Variants in HOOK2 observed in about 807,000 individuals in gnomAD.
The protein encoded by HOOK2 is hook microtubule tethering protein 2.
HOOK2 carries 108 observed loss-of-function variants against 111.9 expected under a neutral mutation model. That is an observed-to-expected ratio of 0.96 (90% CI 0.83 to 1.13). HOOK2 has a LOEUF of 1.13. Ranked by LOEUF, HOOK2 falls within the 50% of genes most tolerant of loss-of-function variation. The pLI, the probability that HOOK2 is intolerant of heterozygous loss-of-function variation, is 0.00. For missense variants in HOOK2, 978 were observed against 951.3 expected (o/e 1.03, Z -0.37); for synonymous variants, 405 against 394.3 (o/e 1.03, Z -0.32).
rs1346462119 is a variant in HOOK2, at chr19:12,786,947, C to A, written n.42-12722G>T. ...CTTTGGGAGGCCCAGGTGGGAGGAT[C>A]CCTTAGGGCCAGGACTTCCAGACCA... On this transcript the variant is annotated intron_variant and non_coding_transcript_variant, in intron 3 of 3. Transcript: ENST00000589765. The surrounding 1 kb of genome is among the most constrained non-coding windows in gnomAD (Gnocchi z 4.3). 6.6e-6 allele frequency among the ~76,000 whole-genome samples: 1 copy of A among 151,972 alleles called. No individual in the cohort carries two copies. Among genetic ancestry groups the A allele is most frequent in the Non-Finnish European group, 1.5e-5 (1 of 67,968 alleles).
Position 12,765,080 on chromosome 19 carries a change from G to A in HOOK2, c.1642C>T (p.Gln548Ter). The A allele has an allele frequency of 6.2e-7, 1 of 1,614,110 alleles. No individual in the cohort carries two copies. The highest frequency in any genetic ancestry group is 1.1e-5 in the South Asian group (1 of 91,084). The change falls in exon 19 of 23, where the codon CAG becomes TAG. Residue 548 changes from glutamine to a stop codon, truncating the protein, a stop_gained and splice_region_variant. Coordinates refer to ENST00000397668, the MANE Select transcript of HOOK2 (RefSeq NM_013312.3). LOFTEE classifies it high-confidence loss of function. ...LLKRKLEEHL[Q>*]KLHEADLELQ... Reference sequence around the variant, plus strand: ...TCCAGATCTGCCTCATGAAGCTTCTGCCTGTGGGCCGGGGATGAGCAGCAG... The same window carrying A: ...TCCAGATCTGCCTCATGAAGCTTCTACCTGTGGGCCGGGGATGAGCAGCAG...
Position 12,767,837 on chromosome 19 carries a change from G to C in HOOK2, c.1282C>G (p.Pro428Ala). Residue 428 changes from proline (P) to alanine (A), a missense_variant, in exon 13 of 23, where the codon CCG becomes GCG. By Grantham distance (27) the Pro-to-Ala change is conservative. Around this residue, in one of 5 missense-constraint regions of HOOK2, gnomAD observed 388 missense variants for 358.3 expected, o/e 1.08. Transcript: ENST00000397668. ...TCACCGGCCTGGGTCAACCCCCGCG[G>C]CTGCAGCTGGGCGCAGCGCAGCTCC... The part of the protein sequence containing the change: ...NEELRCAQLQ[P>A]RGLTQADPSL... The C allele has an allele frequency of 1.9e-6, 3 of 1,604,142 alleles. No individual in the cohort carries two copies. The highest frequency in any genetic ancestry group is 2.5e-6 in the Non-Finnish European group (3 of 1,179,874).
At chr19:12,781,022 G>C (rs1968596526), upstream of HOOK2, among the ~76,000 whole-genome samples, 2 of 140,972 alleles carry the variant, frequency 1.4e-5, no homozygotes, top group African/African-American at 5.2e-5. Flanking sequence ...GAAAAAGAAG[G>C]CTGGGCGCGG....
At position 12,764,912 on chromosome 19, in the gene HOOK2, G is replaced by T; in HGVS notation, c.1729C>A (p.Arg577=). The change falls in exon 20 of 23, where the codon CGG becomes AGG. Residue 577 remains arginine (R), a synonymous_variant. Transcript: ENST00000397668. The part of the protein sequence containing the change: ...LEPPTDSSTA[R]RIEELQHNLQ... ...TTATGCTGCAGCTCCTCGATCCGCC[G>T]GGCTGCTGGCGGAAGAGGTGGCCCA... is the stretch of plus-strand genomic sequence containing the variant. 1 of 1,614,120 alleles carries T rather than the reference G, an allele frequency of 6.2e-7. No individual in the cohort carries two copies. Among genetic ancestry groups the T allele is most frequent in the Non-Finnish European group, 8.5e-7 (1 of 1,180,028 alleles).
chr19:12,780,177 T>C (rs1303480584), upstream of HOOK2, among the ~76,000 whole-genome samples: 1 of 151,924 alleles, frequency 6.6e-6, no homozygotes, highest in East Asian at 1.9e-4. Context: ...AAAAAACCCA[T>C]CCAGATTTTA....
Position 12,791,627 on chromosome 19 carries a change from C to G in HOOK2, n.42-17402G>C, listed in dbSNP as rs1331840210. 1.7e-6 allele frequency: 1 copy of G among 571,870 alleles called. No homozygotes were observed. The highest frequency in any genetic ancestry group is 2.9e-6 in the Non-Finnish European group (1 of 340,238). The allele number at this position is 571,870 out of a possible 1,614,324, so 35.4% of individuals were successfully genotyped here. ...CAGGGCTTTTGCGCACAGCTGCCGG[C>G]TGGCTGCTACCCGCCCGCGCCAGCC... is the stretch of plus-strand genomic sequence containing the variant. On this transcript the variant is annotated intron_variant and non_coding_transcript_variant, in intron 3 of 3. Transcript: ENST00000589765. This position sits in a 1 kb window ranked among gnomAD's most constrained non-coding sequence, Gnocchi z 7.0.
At chr19:12,781,354 T>G (rs1968599698), upstream of HOOK2, among the ~76,000 whole-genome samples, 1 of 148,258 alleles carries the variant, frequency 6.7e-6, no homozygotes, top group Non-Finnish European at 1.5e-5. Context: ...AGAGACAGAG[T>G]CTCGCTCTGT....
chr19:12,774,855 C>T lies in HOOK2; in HGVS notation c.88G>A (p.Asp30Asn), dbSNP rs1327361147. The T allele has an allele frequency of 1.2e-5, 19 of 1,613,956 alleles. No homozygotes were observed. The highest frequency in any genetic ancestry group is 1.6e-5 in the Non-Finnish European group (19 of 1,179,954). The change falls in exon 2 of 23, where the codon GAC (aspartate) becomes AAC (asparagine). Residue 30 changes from aspartate (D) to asparagine (N), a missense_variant. Physicochemically the swap from Asp to Asn is conservative, Grantham distance 23. This residue lies in a region of HOOK2 where 301 missense variants were observed against 286.1 expected (regional missense o/e 1.05). Coordinates refer to ENST00000397668, the MANE Select transcript of HOOK2 (RefSeq NM_013312.3). ...HVPSPCASPQ[D>N]LSSGLAVAYV... ...GCTACGGCAAGGCCGCTGCTCAGGT[C>T]CTGAGGGCTGGCACAGGGAGACGGA... is the stretch of plus-strand genomic sequence containing the variant.
At chr19:12,781,687 C>G (rs921165284), upstream of HOOK2, among the ~76,000 whole-genome samples, 5 of 152,118 alleles carry the variant, frequency 3.3e-5, no homozygotes, top group African/African-American at 1.2e-4. Flanking sequence ...TATCCCATTT[C>G]GTGCCCCCTA....
At chr19:12,788,634 A>G (rs1297415371) in intron 3 of HOOK2, among the ~76,000 whole-genome samples, 1 of 151,590 alleles carries the variant, frequency 6.6e-6, no homozygotes, top group Non-Finnish European at 1.5e-5. Context: ...AGCCCTGGCC[A>G]GGGCTGAATT....
chr19:12,763,108 G>A lies in HOOK2; in HGVS notation c.*174C>T. On this transcript the variant is annotated 3_prime_UTR_variant, in exon 23 of 23. Transcript: ENST00000397668. ...ACAACAAGAATCACATTGCTAAAAA[G>A]AACAGGCCTATATCTACCTCCCGCC... is the stretch of plus-strand genomic sequence containing the variant. 4.7e-6 allele frequency: 3 copies of A among 635,094 alleles called. No homozygotes were observed. In the South Asian group the frequency reaches 6.3e-5, roughly 13 times the overall value. 39.3% of individuals were successfully genotyped at this position (635,094 alleles called of 1,614,324 possible). A position where few individuals can be genotyped will look rare whatever the true frequency, so the allele number is the denominator to read the frequency against.
intron 14 of HOOK2, chr19:12,766,524 T>C (rs1244770843): frequency 2.3e-6 from 1 of 427,562 alleles, no homozygotes; most frequent in Admixed American, 4.1e-5. Context: ...GAAGCAGAAA[T>C]GGGAAGAACT....
Position 12,791,993 on chromosome 19 carries a change from G to C in HOOK2, n.42-17768C>G, listed in dbSNP as rs774983836. ...GCAGCTACTTTTCTGGTCAGGGCTC[G>C]GACACCGGCGCGTCTCTCAAGCTCG... On this transcript the variant is annotated intron_variant and non_coding_transcript_variant, in intron 3 of 3. Transcript: ENST00000589765. This position sits in a 1 kb window ranked among gnomAD's most constrained non-coding sequence, Gnocchi z 7.0. 1 of 1,611,362 alleles carries C rather than the reference G, an allele frequency of 6.2e-7. No homozygotes were observed. Among genetic ancestry groups the C allele is most frequent in the Admixed American group, 1.7e-5 (1 of 59,840 alleles).
intron 22 of HOOK2, 33 bp from the exon 23 acceptor site, chr19:12,763,464 G>T (rs1476975810): frequency 6.2e-7 from 1 of 1,613,446 alleles, no homozygotes; most frequent in Non-Finnish European, 8.5e-7. Context: ...GGTCAGGTGA[G>T]CTCACAGGAC....
chr19:12,773,095 A>T, intron 3 of HOOK2, 51 bp from the exon 4 acceptor site: 2 of 1,556,162 alleles, frequency 1.3e-6, no homozygotes, highest in Non-Finnish European at 1.8e-6. Flanking sequence ...CCCACTCTGA[A>T]TCTGTAGGTC....
chr19:12,773,561 C>G (rs972806453), intron 3 of HOOK2, among the ~76,000 whole-genome samples: 22 of 152,070 alleles, frequency 1.4e-4, no homozygotes, highest in African/African-American at 5.3e-4. Context: ...TGACCATCTT[C>G]CTTCATATGT....
intron 16 of HOOK2, 25 bp from the exon 17 acceptor site, chr19:12,765,859 GGA>G: frequency 6.2e-7 from 1 of 1,610,690 alleles, no homozygotes; most frequent in Non-Finnish European, 8.5e-7. Flanking sequence ...GGGCAGCATG[GGA>G]GAGAGAGGAG....
rs1173275018 is a variant in HOOK2, at chr19:12,772,196, G to A, written c.513C>T (p.Asp171=). 6.2e-7 allele frequency: 1 copy of A among 1,612,370 alleles called. No individual in the cohort carries two copies. The highest frequency in any genetic ancestry group is 1.1e-5 in the South Asian group (1 of 91,058). The change falls in exon 7 of 23, where the codon GAC becomes GAT. Residue 171 remains aspartate (D), a synonymous_variant. Coordinates refer to ENST00000397668, the MANE Select transcript of HOOK2 (RefSeq NM_013312.3). The part of the protein sequence containing the change: ...SLSPETYGNF[D]SQSRRYYFLS... The stretch of plus-strand genomic sequence containing the variant: ...TTTCCCCCAAATCTCTTACCTGGCT[G>A]TCAAAGTTGCCATACGTCTCTGGTG...
Position 12,791,218 on chromosome 19 carries a change from A to T in HOOK2, n.42-16993T>A, listed in dbSNP as rs1464080748. On this transcript the variant is annotated intron_variant and non_coding_transcript_variant, in intron 3 of 3. Transcript: ENST00000589765. The surrounding 1 kb of genome is among the most constrained non-coding windows in gnomAD (Gnocchi z 7.0). ...ATCATCCTCCTCCCTGAAACCCCTC[A>T]CTCATGTGCCTGGGCCCCCCAGCAC... 6.6e-6 allele frequency among the ~76,000 whole-genome samples: 1 copy of T among 151,688 alleles called. No homozygotes were observed. The highest frequency in any genetic ancestry group is 1.5e-5 in the Non-Finnish European group (1 of 67,872).
Sources: allele counts gnomAD v4.1 joint callset (sites outside exome capture counted in the v4.1 genomes callset), GRCh38; gene constraint gnomAD v4.1.1; regional missense constraint gnomAD v4.1.1; non-coding constraint Gnocchi (gnomAD v3.1); transcripts MANE v1.5; gene names NCBI Gene and HGNC (gene_info 2026-07-23, HGNC 2026-07-21).